The following KPNA1 variants were observed in gnomAD, a reference collection of about 807,000 sequenced individuals.
KPNA1 encodes importin subunit alpha-5.
In KPNA1, 10 loss-of-function variants were observed where a neutral mutation model predicts 70.5. The ratio of observed to expected loss-of-function variants is 0.14; its 90% CI spans 0.09 to 0.24. The LOEUF (loss-of-function observed/expected upper bound fraction) is 0.24, where lower values mean the gene tolerates loss of function less well. KPNA1 is among the 10% of genes least tolerant of loss of function. KPNA1 has a pLI of 1.00. For synonymous variants in KPNA1, 192 were observed against 221.9 expected (o/e 0.87, Z 1.20); for missense variants, 397 against 637.9 (o/e 0.62, Z 4.07).
intron 1 of KPNA1, among the ~76,000 whole-genome samples, chr3:122,512,880 T>A (rs1197357657): frequency 6.6e-6 from 1 of 152,234 alleles, no homozygotes; most frequent in Non-Finnish European, 1.5e-5. Flanking sequence ...CCATTTGAAC[T>A]GCCTTTACTA....
chr3:122,513,906 TACAA>T (rs952649053), intron 1 of KPNA1, among the ~76,000 whole-genome samples: 2 of 152,164 alleles, frequency 1.3e-5, no homozygotes, highest in East Asian at 1.9e-4. Flanking sequence ...CTCTTTAAAA[TACAA>T]ACAAAAACTC....
chr3:122,428,304 T>C (rs564522528), intron 12 of KPNA1, among the ~76,000 whole-genome samples: 1 of 152,346 alleles, frequency 6.6e-6, no homozygotes, highest in South Asian at 2.1e-4. Flanking sequence ...AATAGTCATG[T>C]CATTTTTTAT....
At position 122,426,689 on chromosome 3, in the gene KPNA1, A is replaced by G. The variant is rs750297843; in HGVS notation, c.*296T>C. On this transcript the variant is annotated 3_prime_UTR_variant, in exon 14 of 14. Transcript: ENST00000344337. ...CCACAAGAAAAAGGGAGCCACATTA[A>G]TATGTGTATATTCCCATAACTCTAA... is the stretch of plus-strand genomic sequence containing the variant. 1.5e-5 allele frequency: 4 copies of G among 262,584 alleles called. No individual in the cohort carries two copies. The highest frequency in any genetic ancestry group is 2.1e-5 in the Non-Finnish European group (3 of 140,106). 16.3% of individuals were successfully genotyped at this position (262,584 alleles called of 1,614,324 possible). A position where few individuals can be genotyped will look rare whatever the true frequency, so the allele number is the denominator to read the frequency against.
intron 1 of KPNA1, among the ~76,000 whole-genome samples, chr3:122,511,963 A>G (rs1462895952): frequency 6.6e-6 from 1 of 151,164 alleles, no homozygotes; most frequent in Non-Finnish European, 1.5e-5. Flanking sequence ...AATAAGATAT[A>G]ATCCTATTCT....
At chr3:122,500,508 T>TG (rs1265064673) in intron 1 of KPNA1, among the ~76,000 whole-genome samples, 2 of 152,030 alleles carry the variant, frequency 1.3e-5, no homozygotes, top group African/African-American at 2.4e-5. Flanking sequence ...AATTTTTTTT[T>TG]TCCCCCAGAT....
At chr3:122,451,739 C>T in intron 7 of KPNA1, 106 bp from the exon 8 acceptor site, 1 of 776,248 alleles carries the variant, frequency 1.3e-6, no homozygotes, top group Non-Finnish European at 2.1e-6. Context: ...CTTCAGATAG[C>T]TTTTCTCCAG....
intron 9 of KPNA1, among the ~76,000 whole-genome samples, chr3:122,449,367 T>A (rs1379168593): frequency 1.3e-5 from 2 of 152,172 alleles, no homozygotes; most frequent in Non-Finnish European, 2.9e-5. Context: ...AAAGGCCTGC[T>A]AACAGCAGAG....
In KPNA1 at chr3:122,427,060, T is replaced by G; in HGVS notation, c.1542A>C (p.Ala514=). 6.2e-7 allele frequency: 1 copy of G among 1,614,156 alleles called. No individual in the cohort carries two copies. The highest frequency in any genetic ancestry group is 8.5e-7 in the Non-Finnish European group (1 of 1,180,016). ...FGTEDEDSSI[A]PQVDLNQQQY... The stretch of plus-strand genomic sequence containing the variant: ...GCTGCTGGTTAAGGTCAACCTGGGG[T>G]GCAATGCTGCTGTCTTCATCTTCGG... The change falls in exon 14 of 14, where the codon GCA becomes GCC. Residue 514 remains alanine, a synonymous_variant. Transcript: ENST00000344337.
At chr3:122,507,166 C>A (rs995674070) in intron 1 of KPNA1, among the ~76,000 whole-genome samples, 2 of 152,116 alleles carry the variant, frequency 1.3e-5, no homozygotes, top group Non-Finnish European at 2.9e-5. Flanking sequence ...TATAGCTGGG[C>A]GCAGTAGTTC....
intron 2 of KPNA1, among the ~76,000 whole-genome samples, chr3:122,473,973 A>G (rs1415299456): frequency 6.6e-6 from 1 of 152,212 alleles, no homozygotes; most frequent in Non-Finnish European, 1.5e-5. Context: ...ATCAATAAAA[A>G]AACCTCTGGA....
At chr3:122,512,173 C>T (rs2076962031) in intron 1 of KPNA1, among the ~76,000 whole-genome samples, 1 of 151,300 alleles carries the variant, frequency 6.6e-6, no homozygotes, top group Non-Finnish European at 1.5e-5. Context: ...AACAGGATGG[C>T]TTACAAAACA....
chr3:122,451,236 A>G (rs1212290530), intron 8 of KPNA1, among the ~76,000 whole-genome samples: 4 of 152,210 alleles, frequency 2.6e-5, no homozygotes, highest in Non-Finnish European at 5.9e-5. Flanking sequence ...ATAGTCTCCT[A>G]AACAGTATAC....
chr3:122,470,728 T>G (rs1473073496), intron 2 of KPNA1, among the ~76,000 whole-genome samples: 1 of 150,750 alleles, frequency 6.6e-6, no homozygotes, highest in Non-Finnish European at 1.5e-5. Flanking sequence ...GGACAACCAC[T>G]AAGCAAAGTA....
At chr3:122,491,849 CAT>C (rs2076702386) in intron 2 of KPNA1, among the ~76,000 whole-genome samples, 2 of 119,200 alleles carry the variant, frequency 1.7e-5, no homozygotes, top group Middle Eastern at 8.5e-3. Flanking sequence ...TTGACCATCA[CAT>C]TTTTTTTTTT....
In KPNA1 at chr3:122,434,828, G is replaced by A. The variant is rs551126061; in HGVS notation, c.1123-1040C>T. Among the ~76,000 whole-genome samples, 5 of 152,312 alleles carry A rather than the reference G, an allele frequency of 3.3e-5. No individual in the cohort carries two copies. In the East Asian group the frequency reaches 9.6e-4, roughly 29 times the overall value. ...ATATCATTTCCTACATTAAGAAACT[G>A]AGAAGTTCTGCATAAAAAAGCCTGG... On this transcript the variant is annotated intron_variant, in intron 11 of 13. Coordinates refer to ENST00000344337, the MANE Select transcript of KPNA1 (RefSeq NM_002264.4).
chr3:122,511,328 G>A (rs1411229469), intron 1 of KPNA1, among the ~76,000 whole-genome samples: 1 of 152,126 alleles, frequency 6.6e-6, no homozygotes, highest in Non-Finnish European at 1.5e-5. Flanking sequence ...ATCATGATGA[G>A]TAAGCAGACT....
chr3:122,437,450 A>G (rs149519655), intron 10 of KPNA1, among the ~76,000 whole-genome samples, 155 bp from the exon 11 acceptor site: 22 of 152,358 alleles, frequency 1.4e-4, no homozygotes, highest in Non-Finnish European at 2.2e-4. Context: ...CACTGTTAAT[A>G]AGAATTAGTT....
Position 122,452,500 on chromosome 3 carries a change from C to T in KPNA1, c.565-436G>A, listed in dbSNP as rs575982360. Among the ~76,000 whole-genome samples, 71 of 86,246 alleles carry T rather than the reference C, an allele frequency of 8.2e-4. 1 individual carries two copies. The highest frequency in any genetic ancestry group is 3.4e-3 in the African/African-American group (70 of 20,500). 56.6% of individuals were successfully genotyped at this position (86,246 alleles called of 152,430 possible). ...CTCCAGCCTGGGTGACAGGGACAGA[C>T]GGAAGGAGGGAAGGAGGGAAGGAGG... On this transcript the variant is annotated intron_variant, in intron 6 of 13. Transcript: ENST00000344337.
Position 122,464,015 on chromosome 3 carries a change from A to T in KPNA1, c.264T>A (p.Ile88=). 1 of 1,604,754 alleles carries T rather than the reference A, an allele frequency of 6.2e-7. No homozygotes were observed. ...APGGVITSDM[I]EMIFSKSPEQ... ...CTGGGCTTTTGGAAAATATCATTTC[A>T]ATCATGTCAGAAGTGATGACACCAC... Residue 88 remains isoleucine (I), a synonymous_variant, in exon 4 of 14, where the codon ATT becomes ATA. Coordinates refer to ENST00000344337, the MANE Select transcript of KPNA1 (RefSeq NM_002264.4).
Sources: gnomAD v4.1 joint callset for allele counts (sites outside exome capture counted in the v4.1 genomes callset) on GRCh38, gnomAD v4.1.1 for gene constraint, MANE v1.5 for transcripts, NCBI Gene and HGNC (gene_info 2026-07-23, HGNC 2026-07-21) for gene names.